LRRC69: variants seen among roughly 807,000 people sequenced by gnomAD.
The protein encoded by LRRC69 is leucine-rich repeat-containing protein 69.
In LRRC69, 42 loss-of-function variants were observed where a neutral mutation model predicts 37.8. The observed-to-expected ratio is 1.11, with a 90% CI of 0.87 to 1.44. The LOEUF (loss-of-function observed/expected upper bound fraction) is 1.44. LRRC69 is among the 40% of genes most tolerant of loss of function. LRRC69 has a pLI of 0.00. For missense variants in LRRC69, 357 were observed against 401.9 expected (o/e 0.89, Z 0.96); for synonymous variants, 141 against 143.1 (o/e 0.99, Z 0.11).
chr8:91,153,074 A>G (rs1808769563), intron 5 of LRRC69, among the ~76,000 whole-genome samples: 1 of 151,320 alleles, frequency 6.6e-6, no homozygotes, highest in Non-Finnish European at 1.5e-5. Context: ...AGAGGTTGCA[A>G]TTGTAGTTTC....
chr8:91,169,785 G>A (rs1362745580), intron 5 of LRRC69, among the ~76,000 whole-genome samples: 1 of 136,180 alleles, frequency 7.3e-6, no homozygotes, highest in African/African-American at 2.9e-5. Flanking sequence ...TTGGTTTTTT[G>A]TTCTTGCGAT....
chr8:91,199,944 C>T (rs1428721255), intron 6 of LRRC69, among the ~76,000 whole-genome samples: 2 of 152,066 alleles, frequency 1.3e-5, no homozygotes, highest in African/African-American at 4.8e-5. Context: ...AGTCAATTTT[C>T]TGAACATATC....
At chr8:91,163,061 A>G (rs1171937737) in intron 5 of LRRC69, among the ~76,000 whole-genome samples, 1 of 151,298 alleles carries the variant, frequency 6.6e-6, no homozygotes, top group Non-Finnish European at 1.5e-5. Context: ...TGTTAAGTGT[A>G]GTTATTTCTA....
At chr8:91,126,895 A>G (rs758964301) in intron 2 of LRRC69, among the ~76,000 whole-genome samples, 193 bp from the exon 3 acceptor site, 2 of 151,966 alleles carry the variant, frequency 1.3e-5, no homozygotes, top group Non-Finnish European at 2.9e-5. Context: ...AGGCACAGTG[A>G]CTTAGATTTG....
chr8:91,173,828 A>G (rs1809175053), intron 5 of LRRC69, among the ~76,000 whole-genome samples: 1 of 152,088 alleles, frequency 6.6e-6, no homozygotes, highest in South Asian at 2.1e-4. Context: ...CAACCCTCAC[A>G]AACTAATGAT....
At chr8:91,154,152 A>T (rs1808791605) in intron 5 of LRRC69, among the ~76,000 whole-genome samples, 1 of 151,812 alleles carries the variant, frequency 6.6e-6, no homozygotes, top group African/African-American at 2.4e-5. Context: ...ACACCCTCCC[A>T]AGACTAAACC....
Position 91,113,972 on chromosome 8 carries a change from C to CAAA in LRRC69, c.184-10501_184-10499dup, listed in dbSNP as rs34806474. ...CTCCACAACATTGCGAGACTTGTCTCAAAAAAAAAAAAAAAAAAAAAAGGT... is the reference window on the plus strand; with the variant it reads ...CTCCACAACATTGCGAGACTTGTCTCAAAAAAAAAAAAAAAAAAAAAAAAAGGT... On this transcript the variant is annotated intron_variant, in intron 1 of 7. Transcript: ENST00000448384. Among the ~76,000 whole-genome samples the CAAA allele has an allele frequency of 2.8e-3, 172 of 60,502 alleles. 24 individuals carry two copies. The highest frequency in any genetic ancestry group is 0.031 in the Middle Eastern group (2 of 64). The allele number at this position is 60,502 out of a possible 152,430, so 39.7% of individuals were successfully genotyped here. A position where few individuals can be genotyped will look rare whatever the true frequency, so the allele number is the denominator to read the frequency against.
intron 6 of LRRC69, among the ~76,000 whole-genome samples, chr8:91,200,334 TA>T (rs1344558065): frequency 6.6e-6 from 1 of 152,244 alleles, no homozygotes; most frequent in Non-Finnish European, 1.5e-5. Flanking sequence ...TCTAACTTTA[TA>T]AAATGTGTAA....
intron 1 of LRRC69, among the ~76,000 whole-genome samples, chr8:91,113,481 A>G (rs1813446465): frequency 6.6e-6 from 1 of 152,094 alleles, no homozygotes; most frequent in Non-Finnish European, 1.5e-5. Flanking sequence ...AGTGTCTTCA[A>G]TAAATGTTGG....
At chr8:91,203,841 C>A (rs546227415) in intron 7 of LRRC69, among the ~76,000 whole-genome samples, 13 of 151,686 alleles carry the variant, frequency 8.6e-5, no homozygotes, top group Non-Finnish European at 5.9e-5. Context: ...GATTTCTAGC[C>A]GGGCACGGTG....
At chr8:91,169,710 T>C (rs1478819131) in intron 5 of LRRC69, among the ~76,000 whole-genome samples, 1 of 116,400 alleles carries the variant, frequency 8.6e-6, no homozygotes, top group Non-Finnish European at 1.6e-5. Context: ...AGTGTGATAT[T>C]CCCCTTCCTG....
intron 5 of LRRC69, among the ~76,000 whole-genome samples, chr8:91,148,940 T>C (rs1808674879): frequency 6.6e-6 from 1 of 151,974 alleles, no homozygotes; most frequent in African/African-American, 2.4e-5. Flanking sequence ...GTTTGTTTTT[T>C]TCTTGTAAAT....
At chr8:91,157,499 A>C in intron 5 of LRRC69, 1 of 1,573,290 alleles carries the variant, frequency 6.4e-7, no homozygotes, top group Non-Finnish European at 8.7e-7. Context: ...AGACAGAAAG[A>C]TGTAGACAAG....
At chr8:91,130,168 A>AATC (rs1310481960) in intron 3 of LRRC69, 9 of 152,070 alleles carry the variant, frequency 5.9e-5, no homozygotes, top group African/African-American at 2.2e-4. Context: ...AAATAAATGG[A>AATC]ATATGGTATA....
At chr8:91,194,348 G>A (rs372017908) in intron 6 of LRRC69, among the ~76,000 whole-genome samples, 1 of 151,246 alleles carries the variant, frequency 6.6e-6, no homozygotes, top group Non-Finnish European at 1.5e-5. Flanking sequence ...GTATCAGAAT[G>A]ATGCTGGCCT....
At chr8:91,219,062 A>C, downstream of LRRC69, 2 of 799,308 alleles carry the variant, frequency 2.5e-6, no homozygotes, top group Non-Finnish European at 4.0e-6. Context: ...GCATACACAG[A>C]TTATGCCCTA....
intron 5 of LRRC69, among the ~76,000 whole-genome samples, chr8:91,172,434 A>G (rs917461675): frequency 2.0e-5 from 3 of 151,932 alleles, no homozygotes; most frequent in Non-Finnish European, 4.4e-5. Context: ...AATTCTTTAC[A>G]TATTTCTTTG....
chr8:91,174,659 T>TA (rs1012064352), intron 5 of LRRC69, among the ~76,000 whole-genome samples: 1 of 152,262 alleles, frequency 6.6e-6, no homozygotes, highest in African/African-American at 2.4e-5. Context: ...GAATACATTT[T>TA]AAAATGGAAT....
At chr8:91,155,715 A>C (rs2130555282) in intron 5 of LRRC69, among the ~76,000 whole-genome samples, 1 of 150,900 alleles carries the variant, frequency 6.6e-6, no homozygotes, top group South Asian at 2.1e-4. Flanking sequence ...TTTATCTCAC[A>C]CATGAGTGAT....
Sources: allele counts gnomAD v4.1 joint callset (sites outside exome capture counted in the v4.1 genomes callset), GRCh38; gene constraint gnomAD v4.1.1; transcripts MANE v1.5; gene names NCBI Gene and HGNC (gene_info 2026-07-23, HGNC 2026-07-21).